TCEA3: variants seen among roughly 807,000 people sequenced by gnomAD.
TCEA3 encodes the protein transcription elongation factor A3.
A neutral mutation model predicts 44.0 loss-of-function variants in TCEA3; 36 were observed. The ratio of observed to expected loss-of-function variants is 0.82; its 90% confidence interval spans 0.63 to 1.08. The LOEUF (loss-of-function observed/expected upper bound fraction) is 1.08, where lower values mean the gene tolerates loss of function less well. Ranked by LOEUF, TCEA3 falls within the 50% of genes least tolerant of loss-of-function variation. The pLI is 0.00. For synonymous variants in TCEA3, 162 were observed against 159.7 expected (o/e 1.01, Z -0.11); for missense variants, 392 against 441.2 (o/e 0.89, Z 1.00).
At chr1:23,399,134 A>ATGTG (rs1434173032) in intron 5 of TCEA3, among the ~76,000 whole-genome samples, 13 of 74,758 alleles carry the variant, frequency 1.7e-4, no homozygotes, top group African/African-American at 6.6e-4. Context: ...GTTTATATAT[A>ATGTG]TGTATATATG....
intron 4 of TCEA3, among the ~76,000 whole-genome samples, chr1:23,414,466 G>A (rs182181538): frequency 6.6e-6 from 1 of 152,148 alleles, no homozygotes; most frequent in South Asian, 2.1e-4. Flanking sequence ...GCAGTGGCAC[G>A]ATCTTGGCTC....
chr1:23,395,391 C>T (rs1022129424), intron 7 of TCEA3, among the ~76,000 whole-genome samples: 1 of 152,222 alleles, frequency 6.6e-6, no homozygotes, highest in Non-Finnish European at 1.5e-5. Context: ...ATTGTTAGCA[C>T]AGGGCCACTC....
chr1:23,399,165 T>C (rs1248721427), intron 5 of TCEA3, among the ~76,000 whole-genome samples: 2 of 130,068 alleles, frequency 1.5e-5, no homozygotes, highest in Admixed American at 7.6e-5. Context: ...TATATATATA[T>C]ATATATATAT....
intron 8 of TCEA3, among the ~76,000 whole-genome samples, chr1:23,391,269 C>T (rs1488302959): frequency 2.7e-5 from 4 of 150,838 alleles, no homozygotes; most frequent in African/African-American, 7.3e-5. Context: ...TGTGCCACCA[C>T]GCCCGGCTAA....
intron 5 of TCEA3, chr1:23,403,369 T>C (rs1253671281): frequency 1.3e-5 from 2 of 152,220 alleles, no homozygotes; most frequent in Admixed American, 6.5e-5. Context: ...TCAGTTTTTT[T>C]CACACGTAAA....
chr1:23,424,679 T>TA lies in TCEA3; in HGVS notation c.-47dup, dbSNP rs1452593074. 2.0e-6 allele frequency: 3 copies of TA among 1,513,030 alleles called. No homozygotes were observed. The highest frequency in any genetic ancestry group is 2.7e-6 in the Non-Finnish European group (3 of 1,105,256). 93.7% of individuals were successfully genotyped at this position (1,513,030 alleles called of 1,614,324 possible). ...GGGGCGAGGGGCACAGGGGCAGCAG[T>TA]AGGGCCTCGGGGGCAGGAGGCGCGA... On this transcript the variant is annotated 5_prime_UTR_variant, in exon 1 of 11. Coordinates refer to ENST00000450454, the MANE Select transcript of TCEA3 (RefSeq NM_003196.3).
intron 5 of TCEA3, among the ~76,000 whole-genome samples, chr1:23,406,907 C>T (rs1639560732): frequency 6.6e-6 from 1 of 152,220 alleles, no homozygotes; most frequent in African/African-American, 2.4e-5. Flanking sequence ...CCGGCATGAG[C>T]CACCGCACCT....
chr1:23,397,885 A>T lies in TCEA3; in HGVS notation c.514T>A (p.Ser172Thr). Reference protein sequence around the residue: ...PSSPLTPTFASSMCLLAPCYL... With the variant: ...PSSPLTPTFATSMCLLAPCYL... ...CAGGGGGCCAGGAGACACATGGAAG[A>T]GGCAAACGTGGGGGTCAAGGGGCTG... The change falls in exon 6 of 11, where the codon TCT becomes ACT. Residue 172 changes from serine (S) to threonine (T), a missense_variant. Ser to Thr is a moderately conservative substitution (Grantham distance 58). Transcript: ENST00000450454. The T allele has an allele frequency of 6.2e-7, 1 of 1,613,882 alleles. No homozygotes were observed.
chr1:23,396,974 C>T (rs1639233133), intron 7 of TCEA3, among the ~76,000 whole-genome samples: 1 of 144,746 alleles, frequency 6.9e-6, no homozygotes, highest in East Asian at 2.0e-4. Flanking sequence ...CATCGCACTC[C>T]AGCCTGGGCA....
Position 23,424,683 on chromosome 1 carries a change from G to C in TCEA3, c.-50C>G, listed in dbSNP as rs766903762. The C allele has an allele frequency of 1.4e-6, 2 of 1,466,022 alleles. No individual in the cohort carries two copies. The highest frequency in any genetic ancestry group is 4.7e-5 in the East Asian group (2 of 42,512). 90.8% of individuals were successfully genotyped at this position (1,466,022 alleles called of 1,614,324 possible). A position where few individuals can be genotyped will look rare whatever the true frequency, so the allele number is the denominator to read the frequency against. ...CGAGGGGCACAGGGGCAGCAGTAGG[G>C]CCTCGGGGGCAGGAGGCGCGAAGGC... On this transcript the variant is annotated 5_prime_UTR_variant, in exon 1 of 11. Transcript: ENST00000450454.
chr1:23,385,833 A>G (rs1191515311), intron 9 of TCEA3, among the ~76,000 whole-genome samples: 1 of 152,176 alleles, frequency 6.6e-6, no homozygotes, highest in East Asian at 1.9e-4. Context: ...GGCTTTATTG[A>G]CCAAGTTAGC....
intron 8 of TCEA3, among the ~76,000 whole-genome samples, chr1:23,390,021 G>A (rs1022220304): frequency 6.6e-6 from 1 of 152,184 alleles, no homozygotes; most frequent in Non-Finnish European, 1.5e-5. Flanking sequence ...GAGAGGGAAG[G>A]AAGTACTAAA....
chr1:23,389,548 G>C (rs1049001708), intron 8 of TCEA3, among the ~76,000 whole-genome samples: 1 of 152,050 alleles, frequency 6.6e-6, no homozygotes, highest in Admixed American at 6.6e-5. Flanking sequence ...TATTTAGGAG[G>C]CTGAGGCAGG....
chr1:23,405,761 C>G (rs1457339693), intron 5 of TCEA3, among the ~76,000 whole-genome samples: 6 of 152,152 alleles, frequency 3.9e-5, no homozygotes, highest in Non-Finnish European at 5.9e-5. Context: ...GATTTCAAGA[C>G]CATGAAGACA....
At position 23,394,143 on chromosome 1, in the gene TCEA3, T is replaced by C. The variant is rs1639148695; in HGVS notation, c.665-110A>G. 3.0e-6 allele frequency: 4 copies of C among 1,328,046 alleles called. No homozygotes were observed. The Admixed American group carries it at 7.5e-5, about 25-fold the overall frequency. 82.3% of individuals were successfully genotyped at this position (1,328,046 alleles called of 1,614,324 possible). On this transcript the variant is annotated intron_variant, in intron 7 of 10. Coordinates refer to ENST00000450454, the MANE Select transcript of TCEA3 (RefSeq NM_003196.3). ...CCCTTTCTTCCTCTCCTCGGACTTCTACAGGAGTTGGGCCCCTCTTTTGTG... is the reference window on the plus strand; with the variant it reads ...CCCTTTCTTCCTCTCCTCGGACTTCCACAGGAGTTGGGCCCCTCTTTTGTG...
At chr1:23,383,854 G>C (rs1346151451) in intron 10 of TCEA3, 20 of 988,732 alleles carry the variant, frequency 2.0e-5, no homozygotes, top group Non-Finnish European at 2.2e-5. Flanking sequence ...TTACAGACTT[G>C]GGTAAGACTT....
intron 4 of TCEA3, among the ~76,000 whole-genome samples, chr1:23,409,785 G>T (rs1037116465): frequency 6.6e-6 from 1 of 152,082 alleles, no homozygotes; most frequent in Non-Finnish European, 1.5e-5. Flanking sequence ...CTGACATCAG[G>T]TGATCTGCCC....
intron 4 of TCEA3, among the ~76,000 whole-genome samples, chr1:23,409,971 T>C (rs544399511): frequency 1.8e-4 from 28 of 152,196 alleles, no homozygotes; most frequent in African/African-American, 6.0e-4. Context: ...CCAGTTTCCC[T>C]TGGGTGCTCA....
At chr1:23,423,051 G>A (rs928607223) in intron 1 of TCEA3, among the ~76,000 whole-genome samples, 2 of 152,188 alleles carry the variant, frequency 1.3e-5, no homozygotes, top group African/African-American at 2.4e-5. Context: ...ATTTGGCTCA[G>A]AATCCCTGGC....
Sources: allele counts gnomAD v4.1 joint callset (sites outside exome capture counted in the v4.1 genomes callset), GRCh38; gene constraint gnomAD v4.1.1; transcripts MANE v1.5; gene names NCBI Gene and HGNC (gene_info 2026-07-23, HGNC 2026-07-21).